Variants in DSG4 observed in about 807,000 individuals in gnomAD.
The protein encoded by DSG4 is desmoglein 4.
In DSG4, 87 loss-of-function variants were observed where a neutral mutation model predicts 93.1. The observed-to-expected ratio is 0.93, with a 90% CI of 0.79 to 1.12. The LOEUF is 1.12. Among genes scored for constraint, DSG4 ranks in the 50% most tolerant of loss-of-function variants. DSG4 has a pLI of 0.00. For missense variants in DSG4, 1,373 were observed against 1,285.7 expected (o/e 1.07, Z -1.04); for synonymous variants, 432 against 452.9 (o/e 0.95, Z 0.59).
intron 8 of DSG4, among the ~76,000 whole-genome samples, chr18:31,396,544 G>C (rs948810202): frequency 6.6e-6 from 1 of 151,678 alleles, no homozygotes; most frequent in Non-Finnish European, 1.5e-5. Context: ...CAGTAGAGAC[G>C]GGGTTTCACC....
rs938099862 is a variant in DSG4, at chr18:31,414,280, A to G, written c.*685A>G. ...TATATGATTAACTGTAAATTAATCT[A>G]GAATAGCAAAAAAAAATGACAATCC... On this transcript the variant is annotated 3_prime_UTR_variant, in exon 16 of 16. Transcript: ENST00000308128. The G allele has an allele frequency of 4.0e-5, 6 of 151,856 alleles. No individual in the cohort carries two copies. The highest frequency in any genetic ancestry group is 8.8e-5 in the Non-Finnish European group (6 of 68,016). The allele number at this position is 151,856 out of a possible 1,614,324, so 9.4% of individuals were successfully genotyped here.
rs1398583069 is a variant in DSG4, at chr18:31,385,178, TA to T, written c.84+11del. ...CAGTGAATTTATTGTTGAGGTAATGTAAAATAAAATTATTTTCTCAATTTAA... is the reference window on the plus strand; with the variant it reads ...CAGTGAATTTATTGTTGAGGTAATGTAAATAAAATTATTTTCTCAATTTAA... On this transcript the variant is annotated splice_region_variant and intron_variant, in intron 2 of 15. Transcript: ENST00000308128. The T allele has an allele frequency of 2.6e-6, 4 of 1,567,766 alleles. No individual in the cohort carries two copies. The African/African-American group carries it at 4.1e-5, about 16-fold the overall frequency.
chr18:31,407,431 C>T (rs567353938), intron 12 of DSG4, among the ~76,000 whole-genome samples: 47 of 152,180 alleles, frequency 3.1e-4, no homozygotes, highest in Non-Finnish European at 5.9e-4. Flanking sequence ...GATCACCAAA[C>T]AAAAATTTCC....
At chr18:31,378,074 A>G (rs1023533769) in intron 1 of DSG4, among the ~76,000 whole-genome samples, 1 of 152,218 alleles carries the variant, frequency 6.6e-6, no homozygotes, top group East Asian at 1.9e-4. Flanking sequence ...GGAGCCGAAC[A>G]CTGCCAAAGG....
At chr18:31,410,553 A>G (rs1212641064) in intron 14 of DSG4, among the ~76,000 whole-genome samples, 1 of 152,034 alleles carries the variant, frequency 6.6e-6, no homozygotes, top group Non-Finnish European at 1.5e-5. Context: ...CAGTAAATGT[A>G]CTCTAATAAT....
chr18:31,388,715 T>G (rs1218494635), intron 4 of DSG4, among the ~76,000 whole-genome samples, 159 bp from the exon 5 acceptor site: 1 of 152,154 alleles, frequency 6.6e-6, no homozygotes, highest in Non-Finnish European at 1.5e-5. Flanking sequence ...TGCATGTACA[T>G]GTAGTCAAGT....
At chr18:31,397,811 A>G (rs557384970) in intron 8 of DSG4, among the ~76,000 whole-genome samples, 81 of 152,198 alleles carry the variant, frequency 5.3e-4, no homozygotes, top group Admixed American at 1.7e-3. Context: ...TGGATCACCC[A>G]AGGTCAGGAG....
At chr18:31,410,557 T>C (rs1050858449) in intron 14 of DSG4, among the ~76,000 whole-genome samples, 1 of 152,148 alleles carries the variant, frequency 6.6e-6, no homozygotes, top group African/African-American at 2.4e-5. Flanking sequence ...AAATGTACTC[T>C]AATAATACAC....
In DSG4 at chr18:31,388,811, T is replaced by A. The variant is rs1262600252; in HGVS notation, c.373-63T>A. On this transcript the variant is annotated intron_variant, in intron 4 of 15. Coordinates refer to ENST00000308128, the MANE Select transcript of DSG4 (RefSeq NM_177986.5). ...TTTCTTTGCCTATTTTCTGATATAT[T>A]TTCAAGCATGTTACTAAAATTCCTT... The A allele has an allele frequency of 4.3e-6, 7 of 1,611,324 alleles. No homozygotes were observed. The East Asian group carries it at 1.6e-4, about 36-fold the overall frequency.
At chr18:31,381,500 A>G (rs962678841) in intron 1 of DSG4, among the ~76,000 whole-genome samples, 1 of 152,158 alleles carries the variant, frequency 6.6e-6, no homozygotes, top group African/African-American at 2.4e-5. Context: ...CTTTGGACCA[A>G]TGACCAACCC....
intron 11 of DSG4, among the ~76,000 whole-genome samples, 159 bp from the exon 12 acceptor site, chr18:31,405,913 ATAAAT>A (rs1476853202): frequency 6.6e-6 from 1 of 151,776 alleles, no homozygotes; most frequent in African/African-American, 2.4e-5. Flanking sequence ...AATAATAATA[ATAAAT>A]TAAATAAATG....
rs772398849 is a variant in DSG4, at chr18:31,391,155, C to G, written c.762C>G (p.Asp254Glu). Residue 254 changes from aspartate (D) to glutamate (E), a missense_variant, in exon 7 of 16, where the codon GAC (aspartate) becomes GAG (glutamate). Asp to Glu is a conservative substitution (Grantham distance 45, BLOSUM62 2). Transcript: ENST00000308128. ...GAADGLSSEC[D>E]CRIKVLDVND... is the part of the protein sequence containing the mutation. ...CAGATGGACTGTCTTCTGAGTGTGA[C>G]TGTAGAATCAAGGTTTTAGACGTCA... The G allele has an allele frequency of 2.5e-6, 4 of 1,613,764 alleles. No homozygotes were observed. The highest frequency in any genetic ancestry group is 3.4e-6 in the Non-Finnish European group (4 of 1,179,758).
chr18:31,378,929 G>A (rs191811579), intron 1 of DSG4, among the ~76,000 whole-genome samples: 37 of 152,224 alleles, frequency 2.4e-4, no homozygotes, highest in Non-Finnish European at 4.6e-4. Context: ...ACTCTCTGGG[G>A]CATCATTGCA....
intron 1 of DSG4, among the ~76,000 whole-genome samples, chr18:31,379,819 G>T (rs1417855137): frequency 6.6e-6 from 1 of 152,088 alleles, no homozygotes; most frequent in Non-Finnish European, 1.5e-5. Flanking sequence ...CTATTTACTT[G>T]TCAGGCAGAT....
chr18:31,403,362 G>A, intron 10 of DSG4, 54 bp from the exon 11 acceptor site: 1 of 1,423,092 alleles, frequency 7.0e-7, no homozygotes, highest in South Asian at 1.2e-5. Context: ...ATATGAGAAA[G>A]AGTTTTCTCC....
Position 31,413,204 on chromosome 18 carries a change from A to G in DSG4, c.2732A>G (p.Tyr911Cys). The change falls in exon 16 of 16, where the codon TAC (tyrosine) becomes TGC (cysteine). Residue 911 changes from tyrosine (Y) to cysteine (C), a missense_variant. Transcript: ENST00000308128. Reference protein sequence around the residue: ...VHGDIIVTETYGNADPCVQPT... With the variant: ...VHGDIIVTETCGNADPCVQPT... ...GGGGATATTATTGTGACTGAGACTT[A>G]CGGTAATGCTGATCCATGTGTGCAA... The G allele has an allele frequency of 6.2e-7, 1 of 1,614,148 alleles. No homozygotes were observed. The highest frequency in any genetic ancestry group is 1.3e-5 in the African/African-American group (1 of 75,024).
chr18:31,411,099 C>T (rs2072482570), intron 14 of DSG4, 132 bp from the exon 15 acceptor site: 2 of 1,588,212 alleles, frequency 1.3e-6, no homozygotes, highest in Non-Finnish European at 1.7e-6. Flanking sequence ...ACTTGTATCT[C>T]TCTTTGTCAG....
intron 4 of DSG4, 54 bp downstream of exon 4, chr18:31,388,576 C>CA (rs1435337647): frequency 6.2e-7 from 1 of 1,600,202 alleles, no homozygotes; most frequent in African/African-American, 1.3e-5. Context: ...TTCCCTTTTT[C>CA]AAAAAATATT....
chr18:31,399,404 A>G lies in DSG4; in HGVS notation c.1138A>G (p.Arg380Gly). The change falls in exon 9 of 16, where the codon AGA (arginine) becomes GGA (glycine). Residue 380 changes from arginine to glycine, a missense_variant. Coordinates refer to ENST00000308128, the MANE Select transcript of DSG4 (RefSeq NM_177986.5). ...TGTGAGAATTCAAGTTGTTGATGTG[A>G]GAGAAGGACCTGCATTTCATCCAAG... ...TPVRIQVVDV[R>G]EGPAFHPSTM... 1 of 1,614,112 alleles carries G rather than the reference A, an allele frequency of 6.2e-7. No individual in the cohort carries two copies. Among genetic ancestry groups the G allele is most frequent in the Non-Finnish European group, 8.5e-7 (1 of 1,179,966 alleles).
Sources: gnomAD v4.1 joint callset for allele counts (sites outside exome capture counted in the v4.1 genomes callset) on GRCh38, gnomAD v4.1.1 for gene constraint, MANE v1.5 for transcripts, NCBI Gene and HGNC (gene_info 2026-07-23, HGNC 2026-07-21) for gene names.